Variants in CEP112 observed in about 807,000 individuals in gnomAD.
CEP112 encodes the protein centrosomal protein 112.
Under a neutral mutation model 153.0 loss-of-function variants are expected in CEP112, and 127 were observed. The observed-to-expected ratio is 0.83, with a 90% CI of 0.72 to 0.96. The LOEUF is 0.96. Ranked by LOEUF, CEP112 falls within the 40% of genes least tolerant of loss-of-function variation. CEP112 has a pLI of 0.00. For synonymous variants in CEP112, 358 were observed against 374.4 expected, an observed-to-expected ratio of 0.96 and a Z score of 0.51; for missense variants, 1,089 against 1,101.2, an observed-to-expected ratio of 0.99 and a Z score of 0.16.
chr17:65,920,724 T>C (rs1168719384), intron 19 of CEP112, among the ~76,000 whole-genome samples: 1 of 151,996 alleles, frequency 6.6e-6, no homozygotes, highest in Non-Finnish European at 1.5e-5. Context: ...TAAAATGTGG[T>C]GACCAAAATC....
chr17:66,011,285 C>G (rs538035369), intron 16 of CEP112, among the ~76,000 whole-genome samples: 1 of 152,024 alleles, frequency 6.6e-6, no homozygotes, highest in African/African-American at 2.4e-5. Context: ...TTGGTTTGCT[C>G]ATTTCTCTGG....
intron 20 of CEP112, among the ~76,000 whole-genome samples, chr17:65,871,613 T>A (rs1486583274): frequency 6.6e-6 from 1 of 152,110 alleles, no homozygotes; most frequent in African/African-American, 2.4e-5. Flanking sequence ...CCAGCCTGGG[T>A]GACAGAGCGA....
In CEP112 at chr17:65,920,374, T is replaced by A. The variant is rs1204020289; in HGVS notation, c.1980+7208A>T. Among the ~76,000 whole-genome samples, 41 of 82,062 alleles carry A rather than the reference T, an allele frequency of 5.0e-4. 1 individual carries two copies. The highest frequency in any genetic ancestry group is 2.0e-3 in the African/African-American group (38 of 19,374). The allele number at this position is 82,062 out of a possible 152,430, so 53.8% of individuals were successfully genotyped here. A position where few individuals can be genotyped will look rare whatever the true frequency, so the allele number is the denominator to read the frequency against. On this transcript the variant is annotated intron_variant, in intron 19 of 26. Coordinates refer to ENST00000535342, the MANE Select transcript of CEP112 (RefSeq NM_001199165.4). Reference sequence around the variant, plus strand: ...AACAAACAAACAAAATATATATATATATATATATATATATATATATATATA... The same window carrying A: ...AACAAACAAACAAAATATATATATAAATATATATATATATATATATATATA...
intron 21 of CEP112, among the ~76,000 whole-genome samples, chr17:65,778,493 T>C (rs1197749581): frequency 6.6e-6 from 1 of 152,202 alleles, no homozygotes; most frequent in East Asian, 1.9e-4. Context: ...TATAGTCTTT[T>C]GAAAATGTGT....
chr17:65,807,373 C>T (rs2055669807), intron 21 of CEP112, among the ~76,000 whole-genome samples: 1 of 152,142 alleles, frequency 6.6e-6, no homozygotes, highest in Admixed American at 6.5e-5. Context: ...GGAAAATTTG[C>T]AGCCTGACCA....
intron 17 of CEP112, 79 bp from the exon 18 acceptor site, chr17:65,961,677 C>T: frequency 7.7e-7 from 1 of 1,291,572 alleles, no homozygotes; most frequent in East Asian, 2.4e-5. Flanking sequence ...TTAACCCCCT[C>T]TAAAATAAAA....
intron 23 of CEP112, among the ~76,000 whole-genome samples, chr17:65,732,015 A>T (rs934423966): frequency 5.3e-5 from 8 of 152,214 alleles, no homozygotes; most frequent in African/African-American, 1.7e-4. Flanking sequence ...AAATGTTCTT[A>T]ATGGCTCTAA....
intron 21 of CEP112, among the ~76,000 whole-genome samples, chr17:65,767,558 C>A (rs994521223): frequency 1.1e-4 from 17 of 150,512 alleles, no homozygotes; most frequent in Non-Finnish European, 1.5e-5. Context: ...AATAGAAAAA[C>A]CACAGGAAAA....
intron 17 of CEP112, among the ~76,000 whole-genome samples, chr17:65,987,836 C>T (rs1159856119): frequency 6.6e-6 from 1 of 152,130 alleles, no homozygotes; most frequent in East Asian, 1.9e-4. Flanking sequence ...CCAGAGTTTC[C>T]ACACTAGAAA....
intron 16 of CEP112, among the ~76,000 whole-genome samples, chr17:66,019,700 TA>T (rs752088264): frequency 6.6e-6 from 1 of 152,182 alleles, no homozygotes; most frequent in South Asian, 2.1e-4. Context: ...GTAACGTTAT[TA>T]AAAAGCTAGG....
intron 17 of CEP112, among the ~76,000 whole-genome samples, chr17:66,001,124 G>C (rs2064027049): frequency 6.6e-6 from 1 of 152,178 alleles, no homozygotes; most frequent in Non-Finnish European, 1.5e-5. Flanking sequence ...AAATGGGCTT[G>C]TCTCCCACTC....
chr17:65,778,754 C>G (rs1833578293), intron 21 of CEP112, among the ~76,000 whole-genome samples: 1 of 152,072 alleles, frequency 6.6e-6, no homozygotes, highest in African/African-American at 2.4e-5. Context: ...ATATGATTTA[C>G]TATACTTTTT....
At chr17:65,791,731 C>T (rs1324019390) in intron 21 of CEP112, among the ~76,000 whole-genome samples, 1 of 152,062 alleles carries the variant, frequency 6.6e-6, no homozygotes, top group East Asian at 1.9e-4. Context: ...AACTGGCTTA[C>T]TTTAATGGTT....
In CEP112 at chr17:66,064,812, A is replaced by C. The variant is rs571576972; in HGVS notation, c.956-1731T>G. Among the ~76,000 whole-genome samples, 7 of 152,350 alleles carry C rather than the reference A, an allele frequency of 4.6e-5. No individual in the cohort carries two copies. In the South Asian group the frequency reaches 1.0e-3, roughly 23 times the overall value. ...CTATTTTGAATCAGGGTAAAGAAGA[A>C]GACCTGGAAATAAATTTAAAATATT... is the stretch of plus-strand genomic sequence containing the variant. On this transcript the variant is annotated intron_variant, in intron 10 of 26. Coordinates refer to ENST00000535342, the MANE Select transcript of CEP112 (RefSeq NM_001199165.4).
At chr17:66,112,533 T>C (rs2146387006) in intron 6 of CEP112, among the ~76,000 whole-genome samples, 1 of 152,256 alleles carries the variant, frequency 6.6e-6, no homozygotes, top group African/African-American at 2.4e-5. Flanking sequence ...GTTCAAGATG[T>C]GAAACACTAC....
chr17:66,158,401 A>G (rs2146736638), intron 4 of CEP112, among the ~76,000 whole-genome samples: 1 of 152,258 alleles, frequency 6.6e-6, no homozygotes, highest in Middle Eastern at 3.4e-3. Context: ...TCATGAGGTC[A>G]GGAGATCGAG....
At chr17:65,897,203 G>C (rs2143394383) in intron 20 of CEP112, among the ~76,000 whole-genome samples, 1 of 152,202 alleles carries the variant, frequency 6.6e-6, no homozygotes, top group South Asian at 2.1e-4. Flanking sequence ...GGGAAAAATA[G>C]AGTTTACATA....
intron 8 of CEP112, among the ~76,000 whole-genome samples, chr17:66,083,512 T>C (rs1422799040): frequency 6.6e-6 from 1 of 152,176 alleles, no homozygotes; most frequent in East Asian, 1.9e-4. Context: ...TCCTTTAATA[T>C]AAGTATTTCA....
chr17:65,866,996 G>C (rs987846441), intron 20 of CEP112, among the ~76,000 whole-genome samples: 2 of 152,192 alleles, frequency 1.3e-5, no homozygotes, highest in African/African-American at 4.8e-5. Context: ...AAGGAGAGAG[G>C]AGAGACGAGA....
Sources: gnomAD v4.1 joint callset for allele counts (sites outside exome capture counted in the v4.1 genomes callset) on GRCh38, gnomAD v4.1.1 for gene constraint, MANE v1.5 for transcripts, NCBI Gene and HGNC (gene_info 2026-07-23, HGNC 2026-07-21) for gene names.